The following DCUN1D4 variants were observed in gnomAD, a reference collection of about 807,000 sequenced individuals.
The protein encoded by DCUN1D4 is DCN1-like protein 4.
DCUN1D4 carries 22 observed loss-of-function variants against 47.9 expected under a neutral mutation model. The observed-to-expected ratio is 0.46, with a 90% CI of 0.33 to 0.66. The LOEUF (loss-of-function observed/expected upper bound fraction) is 0.66, where lower values mean the gene tolerates loss of function less well. Among genes scored for constraint, DCUN1D4 ranks in the 30% least tolerant of loss-of-function variants. DCUN1D4 has a pLI of 0.02. For synonymous variants in DCUN1D4, 121 were observed against 112.2 expected, an observed-to-expected ratio of 1.08 and a Z score of -0.50; for missense variants, 301 against 340.8, an observed-to-expected ratio of 0.88 and a Z score of 0.92.
At chr4:51,857,893 A>G (rs1186857787) in intron 1 of DCUN1D4, among the ~76,000 whole-genome samples, 1 of 152,180 alleles carries the variant, frequency 6.6e-6, no homozygotes, top group Non-Finnish European at 1.5e-5. Context: ...TTGAGCACCT[A>G]ATATGTGCCA....
chr4:51,895,492 C>G (rs1480372215), intron 7 of DCUN1D4, among the ~76,000 whole-genome samples: 1 of 144,314 alleles, frequency 6.9e-6, no homozygotes, highest in Non-Finnish European at 1.5e-5. Flanking sequence ...TGAGATCATT[C>G]CCCTGCCAGA....
intron 3 of DCUN1D4, among the ~76,000 whole-genome samples, chr4:51,871,461 G>A (rs1297779998): frequency 4.6e-5 from 7 of 152,186 alleles, no homozygotes; most frequent in Admixed American, 1.3e-4. Context: ...TTTTATTGGT[G>A]AATATATTGG....
At chr4:51,869,679 A>G (rs1726567411) in intron 3 of DCUN1D4, among the ~76,000 whole-genome samples, 1 of 152,200 alleles carries the variant, frequency 6.6e-6, no homozygotes, top group South Asian at 2.1e-4. Context: ...TTAAATTATT[A>G]TGAAAATAGC....
intron 1 of DCUN1D4, chr4:51,860,809 A>T (rs985216657): frequency 3.3e-6 from 1 of 307,646 alleles, no homozygotes; most frequent in East Asian, 8.4e-5. Flanking sequence ...TGAGAATTAC[A>T]GTTCAACATA....
chr4:51,866,983 C>T (rs1287441300), intron 3 of DCUN1D4, among the ~76,000 whole-genome samples: 1 of 152,234 alleles, frequency 6.6e-6, no homozygotes, highest in African/African-American at 2.4e-5. Flanking sequence ...GGATCCCACA[C>T]CTGCCAAGTG....
intron 6 of DCUN1D4, among the ~76,000 whole-genome samples, chr4:51,890,025 CT>C (rs1315953650): frequency 6.6e-6 from 1 of 152,166 alleles, no homozygotes; most frequent in Non-Finnish European, 1.5e-5. Flanking sequence ...TAGGTTCTCA[CT>C]GATATTAATT....
chr4:51,871,971 T>C (rs777984675), intron 3 of DCUN1D4, among the ~76,000 whole-genome samples: 3 of 152,082 alleles, frequency 2.0e-5, no homozygotes, highest in Non-Finnish European at 2.9e-5. Context: ...GGAGGAGTGA[T>C]ATGGGGGTGC....
intron 8 of DCUN1D4, among the ~76,000 whole-genome samples, chr4:51,905,718 G>GT (rs1048569411): frequency 6.6e-6 from 1 of 152,166 alleles, no homozygotes; most frequent in Non-Finnish European, 1.5e-5. Context: ...CTGGTTCAAG[G>GT]TTGTGCAGAG....
chr4:51,840,211 T>C (rs539575073), upstream of DCUN1D4, among the ~76,000 whole-genome samples: 1 of 152,018 alleles, frequency 6.6e-6, no homozygotes, highest in Non-Finnish European at 1.5e-5. Context: ...CATTATTATC[T>C]CAGTAAACCT....
chr4:51,843,890 T>C (rs1722038372), intron 1 of DCUN1D4: 3 of 342,172 alleles, frequency 8.8e-6, no homozygotes, highest in Non-Finnish European at 1.2e-5. Flanking sequence ...CGAGGGCTGA[T>C]GTAACGGGAA....
chr4:51,871,228 CTT>C (rs1447392751), intron 3 of DCUN1D4, among the ~76,000 whole-genome samples: 1 of 151,080 alleles, frequency 6.6e-6, no homozygotes, highest in Non-Finnish European at 1.5e-5. Flanking sequence ...AGATGAGTAA[CTT>C]TTCCACAGAC....
intron 8 of DCUN1D4, among the ~76,000 whole-genome samples, chr4:51,899,813 TTTC>T (rs1731827997): frequency 6.6e-6 from 1 of 152,240 alleles, no homozygotes; most frequent in African/African-American, 2.4e-5. Context: ...CGTAAGCTAA[TTTC>T]TTACATTACT....
At chr4:51,834,231 C>A in the DCUN1D4 span, among the ~76,000 whole-genome samples, 2 of 147,304 alleles carry the variant, frequency 1.4e-5, no homozygotes. Context: ...GGGAATGAGA[C>A]GTTGGAAAAG....
At chr4:51,866,286 G>A (rs1005218646) in intron 3 of DCUN1D4, among the ~76,000 whole-genome samples, 1 of 152,168 alleles carries the variant, frequency 6.6e-6, no homozygotes, top group Non-Finnish European at 1.5e-5. Flanking sequence ...GAAGATTTCT[G>A]TCCCAGTTTA....
the DCUN1D4 span, among the ~76,000 whole-genome samples, chr4:51,835,142 A>C: frequency 6.6e-6 from 1 of 152,224 alleles, no homozygotes; most frequent in African/African-American, 2.4e-5. Context: ...GCGGGTGGGC[A>C]AGCAGCCCTC....
the DCUN1D4 span, among the ~76,000 whole-genome samples, chr4:51,835,771 C>T: frequency 2.6e-5 from 4 of 151,960 alleles, no homozygotes; most frequent in African/African-American, 9.7e-5. Context: ...GGTGGGGGTA[C>T]CTGTGTCTGG....
chr4:51,844,348 G>A, intron 1 of DCUN1D4: 3 of 984,964 alleles, frequency 3.0e-6, no homozygotes, highest in Non-Finnish European at 3.6e-6. Context: ...GACGGGGTAA[G>A]TGCCCTAAGG....
rs942885356 is a variant in DCUN1D4 at position 51,844,256 on chromosome 4, C to T, written c.25+989C>T. The T allele has an allele frequency of 1.3e-4, 119 of 899,230 alleles. No individual in the cohort carries two copies. The Middle Eastern group carries it at 6.3e-3, about 47-fold the overall frequency. The allele number at this position is 899,230 out of a possible 1,614,324, so 55.7% of individuals were successfully genotyped here. A position where few individuals can be genotyped will look rare whatever the true frequency, so the allele number is the denominator to read the frequency against. Reference sequence around the variant, plus strand: ...GTGCTTAGGGGAGGTACTTCCTCTCCCTGTCGAGGCAGGGTCCCTTGAAGG... The same window carrying T: ...GTGCTTAGGGGAGGTACTTCCTCTCTCTGTCGAGGCAGGGTCCCTTGAAGG... On this transcript the variant is annotated intron_variant, in intron 1 of 10. Transcript: ENST00000334635.
At position 51,866,245 on chromosome 4, in the gene DCUN1D4, A is replaced by G. The variant is rs553874101; in HGVS notation, c.136+2536A>G. On this transcript the variant is annotated intron_variant, in intron 3 of 10. Transcript: ENST00000334635. ...AGCAGTATATTCGCATAGTTTTGAA[A>G]GAAGTATTGAAAAAATATAAAACAA... 2.0e-5 allele frequency among the ~76,000 whole-genome samples: 3 copies of G among 152,362 alleles called. No homozygotes were observed. In the South Asian group the frequency reaches 6.2e-4, roughly 32 times the overall value.
Sources: allele counts gnomAD v4.1 joint callset (sites outside exome capture counted in the v4.1 genomes callset), GRCh38; gene constraint gnomAD v4.1.1; transcripts MANE v1.5; gene names NCBI Gene and HGNC (gene_info 2026-07-23, HGNC 2026-07-21).